GPC6: variants seen among roughly 807,000 people sequenced by gnomAD.
GPC6 encodes the protein glypican-6.
In GPC6, 14 loss-of-function variants were observed where a neutral mutation model predicts 55.2. The observed-to-expected ratio is 0.25, with a 90% CI of 0.17 to 0.40. The LOEUF is 0.40. Among genes scored for constraint, GPC6 ranks in the 10% least tolerant of loss-of-function variants. The pLI is 1.00. For synonymous variants in GPC6, 278 were observed against 259.6 expected, an observed-to-expected ratio of 1.07 and a Z score of -0.68; for missense variants, 641 against 708.5, an observed-to-expected ratio of 0.90 and a Z score of 1.08.
chr13:93,853,892 A>G (rs888743274), intron 3 of GPC6, among the ~76,000 whole-genome samples: 3 of 151,740 alleles, frequency 2.0e-5, no homozygotes, highest in African/African-American at 7.2e-5. Context: ...ACTCAAGTCA[A>G]TGAAACACAG....
Position 93,233,120 on chromosome 13 carries a change from T to A in GPC6, c.160+5504T>A, listed in dbSNP as rs79375083. On this transcript the variant is annotated intron_variant, in intron 1 of 8. Transcript: ENST00000377047. Reference sequence around the variant, plus strand: ...CTGGTACATAATTTAACTTTAAATATTTTCATAGATTTCTCCAGTATTATT... The same window carrying A: ...CTGGTACATAATTTAACTTTAAATAATTTCATAGATTTCTCCAGTATTATT... Among the ~76,000 whole-genome samples, 299 of 152,252 alleles carry A rather than the reference T, an allele frequency of 2.0e-3. 3 individuals are homozygous for A. In the East Asian group the frequency reaches 0.037, roughly 19 times the overall value.
chr13:93,931,026 A>T (rs1301260330), intron 3 of GPC6, among the ~76,000 whole-genome samples: 1 of 152,124 alleles, frequency 6.6e-6, no homozygotes, highest in African/African-American at 2.4e-5. Context: ...GCAAGCGCTC[A>T]CTCACTATCA....
chr13:93,470,950 C>T (rs1879089420), intron 1 of GPC6, among the ~76,000 whole-genome samples: 1 of 151,950 alleles, frequency 6.6e-6, no homozygotes, highest in Non-Finnish European at 1.5e-5. Context: ...GCTTTATTAT[C>T]CATTTAATGT....
chr13:94,308,949 C>G (rs1425347177), intron 6 of GPC6, among the ~76,000 whole-genome samples: 2 of 152,158 alleles, frequency 1.3e-5, no homozygotes, highest in South Asian at 2.1e-4. Context: ...TGGCCAGACT[C>G]CAGTCCAACA....
chr13:93,227,939 T>C lies in GPC6; in HGVS notation c.160+323T>C, dbSNP rs954463912. Among the ~76,000 whole-genome samples, 3 of 152,118 alleles carry C rather than the reference T, an allele frequency of 2.0e-5. No homozygotes were observed. Among genetic ancestry groups the C allele is most frequent in the African/African-American group, 7.2e-5 (3 of 41,454 alleles). On this transcript the variant is annotated intron_variant, in intron 1 of 8. Coordinates refer to ENST00000377047, the MANE Select transcript of GPC6 (RefSeq NM_005708.5). This position sits in a 1 kb window ranked among gnomAD's most constrained non-coding sequence, Gnocchi z 4.3. ...GGAGCCCGGGTCACTCCGGGGCGGC[T>C]GCAAGGCGCAGACGGAGAGCCGAGC...
intron 1 of GPC6, among the ~76,000 whole-genome samples, chr13:93,251,479 C>A (rs918236556): frequency 1.3e-5 from 2 of 152,154 alleles, no homozygotes; most frequent in Non-Finnish European, 2.9e-5. Flanking sequence ...CAAAGAATCT[C>A]TTGAGCATCA....
intron 2 of GPC6, among the ~76,000 whole-genome samples, chr13:93,594,855 G>C (rs1463856773): frequency 1.3e-5 from 2 of 151,164 alleles, no homozygotes; most frequent in African/African-American, 2.4e-5. Flanking sequence ...GCCTGTTTTA[G>C]AAGTGCACTT....
intron 4 of GPC6, among the ~76,000 whole-genome samples, chr13:94,232,986 CTTTTTTTTTT>C (rs67718119): frequency 1.0e-3 from 82 of 80,644 alleles, no homozygotes; most frequent in African/African-American, 4.2e-3. Context: ...GGTTTTATAA[CTTTTTTTTTT>C]TTTTTTTTTT....
intron 2 of GPC6, among the ~76,000 whole-genome samples, chr13:93,736,540 T>A (rs985120463): frequency 1.3e-5 from 2 of 152,192 alleles, no homozygotes; most frequent in Non-Finnish European, 2.9e-5. Flanking sequence ...TTTTCCATCT[T>A]CTTTTTACAT....
chr13:93,628,589 C>T (rs923522382), intron 2 of GPC6, among the ~76,000 whole-genome samples: 2 of 152,094 alleles, frequency 1.3e-5, no homozygotes, highest in African/African-American at 4.8e-5. Context: ...GTAGTTAGTC[C>T]ATTGGTTGTA....
chr13:93,821,876 G>C (rs138472653), intron 2 of GPC6, among the ~76,000 whole-genome samples: 40 of 152,112 alleles, frequency 2.6e-4, no homozygotes, highest in Middle Eastern at 6.8e-3. Flanking sequence ...AACTATTATA[G>C]AGAATTTTAA....
At chr13:93,830,983 G>C in intron 3 of GPC6, 1 of 165,044 alleles carries the variant, frequency 6.1e-6, no homozygotes, top group Non-Finnish European at 1.3e-5. Context: ...TTATTGTTCA[G>C]GACATCAGCA....
chr13:94,026,653 C>T (rs368250634), intron 3 of GPC6, among the ~76,000 whole-genome samples: 1 of 152,016 alleles, frequency 6.6e-6, no homozygotes, highest in Non-Finnish European at 1.5e-5. Flanking sequence ...TTCTCACATA[C>T]TACTATAAAG....
At chr13:93,990,697 A>ATT (rs35070918) in intron 3 of GPC6, among the ~76,000 whole-genome samples, 4 of 144,034 alleles carry the variant, frequency 2.8e-5, no homozygotes, top group Admixed American at 7.0e-5. Flanking sequence ...CTCTACAACA[A>ATT]TTTTTTTTTT....
At chr13:94,086,212 T>C (rs1036012129) in intron 4 of GPC6, among the ~76,000 whole-genome samples, 1 of 152,206 alleles carries the variant, frequency 6.6e-6, no homozygotes, top group Non-Finnish European at 1.5e-5. Context: ...ATAAAGATTC[T>C]CACACTGCAT....
intron 2 of GPC6, among the ~76,000 whole-genome samples, chr13:93,637,521 TA>T (rs1879748440): frequency 6.6e-6 from 1 of 152,166 alleles, no homozygotes; most frequent in African/African-American, 2.4e-5. Flanking sequence ...AAGGAAGATT[TA>T]TCGTCTCAGG....
intron 4 of GPC6, among the ~76,000 whole-genome samples, chr13:94,221,123 A>G (rs985525788): frequency 6.6e-6 from 1 of 152,066 alleles, no homozygotes; most frequent in Non-Finnish European, 1.5e-5. Flanking sequence ...TCTGGTGACT[A>G]CCATTTCTAT....
intron 2 of GPC6, among the ~76,000 whole-genome samples, chr13:93,633,637 A>G (rs974017357): frequency 9.7e-5 from 6 of 61,726 alleles, no homozygotes; most frequent in Non-Finnish European, 1.7e-4. Flanking sequence ...CTCTGTCTCA[A>G]ATAAATAAAT....
chr13:94,216,338 C>T (rs1594067055), intron 4 of GPC6, among the ~76,000 whole-genome samples: 1 of 152,280 alleles, frequency 6.6e-6, no homozygotes, highest in East Asian at 1.9e-4. Flanking sequence ...TCATAAACTT[C>T]AGATCTTGTT....
Sources: allele counts gnomAD v4.1 joint callset (sites outside exome capture counted in the v4.1 genomes callset), GRCh38; gene constraint gnomAD v4.1.1; non-coding constraint Gnocchi (gnomAD v3.1); transcripts MANE v1.5; gene names NCBI Gene and HGNC (gene_info 2026-07-23, HGNC 2026-07-21).